The following PDE4B variants were observed in gnomAD, a reference collection of about 807,000 sequenced individuals.
The protein encoded by PDE4B is 3',5'-cyclic-AMP phosphodiesterase 4B.
PDE4B carries 20 observed loss-of-function variants against 82.2 expected under a neutral mutation model. The observed-to-expected ratio is 0.24, with a 90% CI of 0.17 to 0.35. The LOEUF (loss-of-function observed/expected upper bound fraction) is 0.35, where lower values mean the gene tolerates loss of function less well. Ranked by LOEUF, PDE4B falls within the 10% of genes least tolerant of loss-of-function variation. The probability of loss-of-function intolerance (pLI) is 1.00; values close to 1 mark genes in which losing one functional copy is unlikely to be tolerated. For synonymous variants in PDE4B, 320 were observed against 318.9 expected (o/e 1.00, Z -0.04); for missense variants, 655 against 907.2 (o/e 0.72, Z 3.57).
At chr1:66,252,350 C>T (rs1653853562) in intron 4 of PDE4B, among the ~76,000 whole-genome samples, 1 of 152,076 alleles carries the variant, frequency 6.6e-6, no homozygotes, top group Non-Finnish European at 1.5e-5. Context: ...GACATGCAAC[C>T]CTTTAATTAT....
At position 65,902,339 on chromosome 1, in the gene PDE4B, A is replaced by G. The variant is rs116437344; in HGVS notation, c.-70-10906A>G. ...TAGAAATGGAAGATTAGAAGGATCAAATGACTTGTTAATGATTTCATAGTC... is the reference window on the plus strand; with the variant it reads ...TAGAAATGGAAGATTAGAAGGATCAGATGACTTGTTAATGATTTCATAGTC... On this transcript the variant is annotated intron_variant, in intron 1 of 16. Transcript: ENST00000341517. Among the ~76,000 whole-genome samples the G allele has an allele frequency of 9.4e-3, 1,438 of 152,246 alleles. 25 individuals are homozygous for G. The highest frequency in any genetic ancestry group is 0.033 in the African/African-American group (1,365 of 41,556).
intron 3 of PDE4B, among the ~76,000 whole-genome samples, chr1:65,996,452 C>T (rs1269475844): frequency 6.6e-6 from 1 of 151,870 alleles, no homozygotes. Flanking sequence ...TTTTCATTCA[C>T]TCAACATATG....
intron 9 of PDE4B, among the ~76,000 whole-genome samples, chr1:66,358,775 G>A (rs1205418924): frequency 6.6e-6 from 1 of 151,862 alleles, no homozygotes; most frequent in African/African-American, 2.4e-5. Flanking sequence ...GAAGATCTTA[G>A]CAATTTACCT....
chr1:66,033,854 T>C (rs1411445705), intron 3 of PDE4B, among the ~76,000 whole-genome samples: 5 of 152,008 alleles, frequency 3.3e-5, no homozygotes, highest in Non-Finnish European at 7.4e-5. Context: ...TAGCTATTAA[T>C]ATTAGACTTA....
intron 7 of PDE4B, among the ~76,000 whole-genome samples, chr1:66,328,974 T>C (rs1236403986): frequency 6.6e-6 from 1 of 152,206 alleles, no homozygotes; most frequent in African/African-American, 2.4e-5. Context: ...TCCAAGGGGT[T>C]GTCTGCTGTG....
At chr1:66,371,599 G>A (rs569677169) in intron 16 of PDE4B, among the ~76,000 whole-genome samples, 74 of 152,148 alleles carry the variant, frequency 4.9e-4, no homozygotes, top group Admixed American at 2.0e-3. Flanking sequence ...AAATGACTGC[G>A]TGCTCTGTAG....
At chr1:66,211,685 G>A (rs1570478169) in intron 3 of PDE4B, among the ~76,000 whole-genome samples, 2 of 152,316 alleles carry the variant, frequency 1.3e-5, no homozygotes, top group African/African-American at 2.4e-5. Flanking sequence ...TTAGGGGAGC[G>A]AAGTAACTTG....
At chr1:65,873,445 C>G (rs1646597717) in intron 1 of PDE4B, among the ~76,000 whole-genome samples, 1 of 152,052 alleles carries the variant, frequency 6.6e-6, no homozygotes, top group Non-Finnish European at 1.5e-5. Context: ...AAAATAAGAC[C>G]AAGATGGTAG....
intron 1 of PDE4B, among the ~76,000 whole-genome samples, chr1:65,855,078 G>A (rs1377963450): frequency 2.0e-5 from 3 of 150,910 alleles, no homozygotes; most frequent in African/African-American, 7.3e-5. Flanking sequence ...TCTCTCTCAT[G>A]TGTAAATTTT....
chr1:65,978,029 T>A (rs1455043761), intron 3 of PDE4B, among the ~76,000 whole-genome samples: 4 of 147,978 alleles, frequency 2.7e-5, no homozygotes, highest in South Asian at 2.1e-4. Context: ...TTTTTAATTT[T>A]TTTTTTTTTT....
intron 7 of PDE4B, among the ~76,000 whole-genome samples, chr1:66,272,975 A>G (rs1474968207): frequency 6.6e-6 from 1 of 151,736 alleles, no homozygotes; most frequent in African/African-American, 2.4e-5. Context: ...TATTTTTAGT[A>G]GAGACAGGGT....
chr1:66,371,772 T>A (rs1159674441), intron 16 of PDE4B, among the ~76,000 whole-genome samples: 1 of 152,200 alleles, frequency 6.6e-6, no homozygotes, highest in Non-Finnish European at 1.5e-5. Flanking sequence ...CACTTTGGAA[T>A]AGCAACATAT....
chr1:65,810,003 T>G (rs1164442147), intron 1 of PDE4B, among the ~76,000 whole-genome samples: 1 of 152,276 alleles, frequency 6.6e-6, no homozygotes, highest in Non-Finnish European at 1.5e-5. Flanking sequence ...TTCCAGTAAT[T>G]GCAGCCAAGG....
rs150977853 is a variant in PDE4B at position 66,372,568 on chromosome 1, T to C, written c.2101T>C (p.Tyr701His). Residue 701 changes from tyrosine (Y) to histidine (H), a missense_variant, in exon 17 of 17, where the codon TAT becomes CAT. Coordinates refer to ENST00000341517, the MANE Select transcript of PDE4B (RefSeq NM_002600.4). ...GPEKEGEGHSYFSSTKTLCVI... is the reference protein window; with the variant it reads ...GPEKEGEGHSHFSSTKTLCVI... ...TGAGAAGGAGGGAGAGGGACACAGC[T>C]ATTTCAGCAGCACAAAGACGCTTTG... 27 of 1,614,020 alleles carry C rather than the reference T, an allele frequency of 1.7e-5. No homozygotes were observed. The African/African-American group carries it at 3.5e-4, about 21-fold the overall frequency.
At chr1:65,937,679 T>C (rs931712394) in intron 3 of PDE4B, among the ~76,000 whole-genome samples, 2 of 152,178 alleles carry the variant, frequency 1.3e-5, no homozygotes, top group Non-Finnish European at 2.9e-5. Context: ...TCACAAAGTC[T>C]CTTCTGTGAT....
At chr1:66,143,913 A>C (rs1342995311) in intron 3 of PDE4B, among the ~76,000 whole-genome samples, 1 of 152,230 alleles carries the variant, frequency 6.6e-6, no homozygotes, top group African/African-American at 2.4e-5. Flanking sequence ...TAGAGCAGGA[A>C]GAAATAAAGA....
intron 1 of PDE4B, among the ~76,000 whole-genome samples, chr1:65,884,461 A>G (rs1646748663): frequency 6.6e-6 from 1 of 152,138 alleles, no homozygotes. Context: ...TTCAAACTAT[A>G]CTACAAGGCC....
intron 1 of PDE4B, among the ~76,000 whole-genome samples, chr1:65,804,288 T>C (rs1306916943): frequency 6.6e-6 from 1 of 152,222 alleles, no homozygotes; most frequent in Non-Finnish European, 1.5e-5. Context: ...TCTTGCTTGA[T>C]TTGTTGAAGA....
chr1:65,867,004 T>A (rs1352240727), intron 1 of PDE4B, among the ~76,000 whole-genome samples: 1 of 152,302 alleles, frequency 6.6e-6, no homozygotes, highest in East Asian at 1.9e-4. Flanking sequence ...TTCTAACTTT[T>A]AGAGGTGTTT....
Sources: gnomAD v4.1 joint callset for allele counts (sites outside exome capture counted in the v4.1 genomes callset) on GRCh38, gnomAD v4.1.1 for gene constraint, MANE v1.5 for transcripts, NCBI Gene and HGNC (gene_info 2026-07-23, HGNC 2026-07-21) for gene names.